The following RGS6 variants were observed in gnomAD, a reference collection of about 807,000 sequenced individuals.
The protein encoded by RGS6 is regulator of G protein signaling 6.
A neutral mutation model predicts 78.5 loss-of-function variants in RGS6; 30 were observed. The ratio of observed to expected loss-of-function variants is 0.38; its 90% CI spans 0.29 to 0.52. The LOEUF (loss-of-function observed/expected upper bound fraction) is 0.52, where lower values mean the gene tolerates loss of function less well. RGS6 is among the 20% of genes least tolerant of loss of function. The pLI, the probability that RGS6 is intolerant of heterozygous loss-of-function variation, is 0.85. For missense variants in RGS6, 495 were observed against 609.7 expected, an observed-to-expected ratio of 0.81 and a Z score of 1.98; for synonymous variants, 206 against 206.0, an observed-to-expected ratio of 1.00 and a Z score of 0.00.
chr14:72,427,510 C>T (rs955487283), intron 3 of RGS6, among the ~76,000 whole-genome samples: 3 of 152,148 alleles, frequency 2.0e-5, no homozygotes, highest in African/African-American at 7.2e-5. Context: ...CCAACCTCTG[C>T]CCAAATTGCA....
intron 2 of RGS6, among the ~76,000 whole-genome samples, chr14:71,995,941 C>G (rs1238071328): frequency 6.6e-6 from 1 of 152,078 alleles, no homozygotes; most frequent in Non-Finnish European, 1.5e-5. Flanking sequence ...GCTGCCGAGT[C>G]CCCTGTGCTT....
At chr14:72,528,286 A>G (rs75677490) in intron 15 of RGS6, among the ~76,000 whole-genome samples, 3 of 152,156 alleles carry the variant, frequency 2.0e-5, no homozygotes, top group African/African-American at 7.2e-5. Context: ...CTCGGACTCT[A>G]TTGATTCTAG....
At chr14:72,089,334 T>C (rs562791174) in intron 2 of RGS6, among the ~76,000 whole-genome samples, 1 of 152,302 alleles carries the variant, frequency 6.6e-6, no homozygotes, top group East Asian at 1.9e-4. Context: ...GGATGGAAAA[T>C]AAGTGCACAT....
intron 16 of RGS6, 146 bp from the exon 17 acceptor site, chr14:72,539,895 T>C: frequency 1.5e-6 from 1 of 666,328 alleles, no homozygotes; most frequent in Non-Finnish European, 2.5e-6. Context: ...CAGCTCTGGC[T>C]GCTTCTCTTT....
At chr14:72,358,593 C>A (rs1441367486) in intron 3 of RGS6, among the ~76,000 whole-genome samples, 1 of 152,146 alleles carries the variant, frequency 6.6e-6, no homozygotes, top group Non-Finnish European at 1.5e-5. Context: ...GGCCTGTAGC[C>A]CCTTTGTTTT....
chr14:72,327,917 A>G (rs1400126725), intron 2 of RGS6, among the ~76,000 whole-genome samples: 2 of 149,730 alleles, frequency 1.3e-5, no homozygotes, highest in Non-Finnish European at 2.9e-5. Flanking sequence ...GCCTAGATAT[A>G]TAGATATATA....
chr14:72,551,118 G>T (rs1424931947), intron 17 of RGS6, among the ~76,000 whole-genome samples: 2 of 152,136 alleles, frequency 1.3e-5, no homozygotes, highest in African/African-American at 2.4e-5. Context: ...GGAGTTACAA[G>T]TGTGAGCCAC....
intron 3 of RGS6, among the ~76,000 whole-genome samples, chr14:72,382,054 G>C (rs960878941): frequency 6.6e-6 from 1 of 151,884 alleles, no homozygotes; most frequent in East Asian, 1.9e-4. Context: ...CTTCTGCATA[G>C]CTTTTTAAGT....
At chr14:72,137,105 G>A (rs2096456199) in intron 2 of RGS6, among the ~76,000 whole-genome samples, 1 of 152,252 alleles carries the variant, frequency 6.6e-6, no homozygotes, top group South Asian at 2.1e-4. Context: ...TGAGAAACGT[G>A]AGGAAATGTA....
the RGS6 span, among the ~76,000 whole-genome samples, chr14:72,611,991 C>T: frequency 6.6e-6 from 1 of 152,188 alleles, no homozygotes; most frequent in Admixed American, 6.5e-5. Flanking sequence ...GGCCAGCATG[C>T]GGTTTATTTT....
intron 13 of RGS6, among the ~76,000 whole-genome samples, chr14:72,504,839 C>T (rs549428463): frequency 2.6e-3 from 387 of 151,556 alleles, no homozygotes; most frequent in Non-Finnish European, 3.5e-3. Context: ...CTGCAACCTC[C>T]GCCTCCTGGG....
chr14:72,505,581 C>T (rs2096788472), intron 13 of RGS6, among the ~76,000 whole-genome samples: 1 of 152,114 alleles, frequency 6.6e-6, no homozygotes, highest in Admixed American at 6.5e-5. Context: ...TGTATATTCC[C>T]CAAGTCTTAG....
intron 2 of RGS6, among the ~76,000 whole-genome samples, chr14:72,138,765 G>A (rs185581712): frequency 6.6e-6 from 1 of 152,224 alleles, no homozygotes; most frequent in East Asian, 1.9e-4. Context: ...GCATATGTGA[G>A]GAATCTAGGA....
chr14:72,090,420 G>C (rs187711219), intron 2 of RGS6, among the ~76,000 whole-genome samples: 1 of 152,138 alleles, frequency 6.6e-6, no homozygotes, highest in African/African-American at 2.4e-5. Context: ...TCACAGGAGC[G>C]TGAACCCTAT....
intron 2 of RGS6, among the ~76,000 whole-genome samples, chr14:72,045,831 G>A (rs150185983): frequency 6.6e-6 from 1 of 151,990 alleles, no homozygotes; most frequent in South Asian, 2.1e-4. Flanking sequence ...TGGAGAGTAG[G>A]CCTTTATTTT....
chr14:72,167,744 C>T (rs1012992111), intron 2 of RGS6, among the ~76,000 whole-genome samples: 2 of 152,144 alleles, frequency 1.3e-5, no homozygotes, highest in African/African-American at 2.4e-5. Flanking sequence ...AATAAAAGGC[C>T]ATTTGCATAT....
chr14:71,900,036 G>A, the RGS6 span, among the ~76,000 whole-genome samples: 12,376 of 152,206 alleles, frequency 0.081, 1,315 homozygotes, highest in African/African-American at 0.24. Flanking sequence ...CCTCTGTAGC[G>A]GAGTTTATGA....
chr14:72,439,829 G>A (rs2095110492), intron 3 of RGS6, among the ~76,000 whole-genome samples: 1 of 152,216 alleles, frequency 6.6e-6, no homozygotes, highest in South Asian at 2.1e-4. Flanking sequence ...GAGTAGCTGT[G>A]TTCTGCTGAA....
chr14:72,174,008 A>G (rs2097066763), intron 2 of RGS6, among the ~76,000 whole-genome samples: 2 of 152,118 alleles, frequency 1.3e-5, no homozygotes, highest in Non-Finnish European at 2.9e-5. Flanking sequence ...TGCTCCGAGT[A>G]TGCGGTAAGG....
Sources: allele counts gnomAD v4.1 joint callset (sites outside exome capture counted in the v4.1 genomes callset), GRCh38; gene constraint gnomAD v4.1.1; transcripts MANE v1.5; gene names NCBI Gene and HGNC (gene_info 2026-07-23, HGNC 2026-07-21).